The following SCAF4 variants were observed in gnomAD, a reference collection of about 807,000 sequenced individuals.
SCAF4 encodes SR-related and CTD-associated factor 4.
SCAF4 carries 25 observed loss-of-function variants against 129.8 expected under a neutral mutation model. That is an observed-to-expected ratio of 0.19 (90% CI 0.14 to 0.27). SCAF4 has a LOEUF of 0.27. Among genes scored for constraint, SCAF4 ranks in the 10% least tolerant of loss-of-function variants. The pLI, the probability that SCAF4 is intolerant of heterozygous loss-of-function variation, is 1.00. For synonymous variants in SCAF4, 551 were observed against 497.7 expected, an observed-to-expected ratio of 1.11 and a Z score of -1.43; for missense variants, 1,246 against 1,457.1, an observed-to-expected ratio of 0.86 and a Z score of 2.36.
intron 1 of SCAF4, 70 bp downstream of exon 1, chr21:31,731,593 C>T (rs938231281): frequency 3.2e-6 from 5 of 1,542,478 alleles, no homozygotes; most frequent in Non-Finnish European, 4.4e-6. Flanking sequence ...TTTAAACCTC[C>T]GGCGGCGGGA....
In SCAF4 at chr21:31,688,227, T is replaced by A. The variant is rs575959762; in HGVS notation, c.2043+80A>T. 37 of 1,356,392 alleles carry A rather than the reference T, an allele frequency of 2.7e-5. 1 individual carries two copies. In the South Asian group the frequency reaches 5.9e-4, roughly 21 times the overall value. 84.0% of individuals were successfully genotyped at this position (1,356,392 alleles called of 1,614,324 possible). A position where few individuals can be genotyped will look rare whatever the true frequency, so the allele number is the denominator to read the frequency against. On this transcript the variant is annotated intron_variant, in intron 16 of 19. Transcript: ENST00000286835. The stretch of plus-strand genomic sequence containing the variant: ...ATGTACTCATGTTTTTTACTATGAA[T>A]CCAGACATATATCTACAGTAAGATT...
At chr21:31,694,136 C>T (rs1311132081) in intron 11 of SCAF4, 68 bp downstream of exon 11, 2 of 833,448 alleles carry the variant, frequency 2.4e-6, no homozygotes, top group East Asian at 2.5e-5. Context: ...GAAAATAACC[C>T]AATCTAATTT....
At chr21:31,704,768 C>T (rs977440053) in intron 3 of SCAF4, among the ~76,000 whole-genome samples, 7 of 151,962 alleles carry the variant, frequency 4.6e-5, no homozygotes, top group African/African-American at 1.7e-4. Context: ...TAATTTTTTC[C>T]ATTTTATTTA....
At chr21:31,687,824 T>C (rs1021497547) in intron 16 of SCAF4, among the ~76,000 whole-genome samples, 3 of 152,084 alleles carry the variant, frequency 2.0e-5, no homozygotes, top group African/African-American at 7.2e-5. Flanking sequence ...TAAACATTTA[T>C]GGGCCAGGCA....
At chr21:31,715,324 C>A (rs998367491) in intron 1 of SCAF4, among the ~76,000 whole-genome samples, 3 of 152,012 alleles carry the variant, frequency 2.0e-5, no homozygotes, top group Non-Finnish European at 2.9e-5. Context: ...TATGATTACA[C>A]CGGGCCCACC....
At chr21:31,698,829 G>A (rs548463917) in intron 7 of SCAF4, among the ~76,000 whole-genome samples, 1 of 152,172 alleles carries the variant, frequency 6.6e-6, no homozygotes, top group Non-Finnish European at 1.5e-5. Context: ...TTTCCAGCCT[G>A]CTGACCTGCC....
chr21:31,713,492 T>C (rs1455832811), intron 1 of SCAF4, among the ~76,000 whole-genome samples: 5 of 152,208 alleles, frequency 3.3e-5, no homozygotes, highest in African/African-American at 1.2e-4. Context: ...CACGTAATTC[T>C]TTTGAGAAAA....
chr21:31,688,114 CAAAAAAAAAAAAAAA>C (rs61592268), intron 16 of SCAF4, among the ~76,000 whole-genome samples, 178 bp downstream of exon 16: 125 of 10,908 alleles, frequency 0.011, 4 homozygotes, highest in African/African-American at 0.027. Flanking sequence ...GACTCTGTCT[CAAAAAAAAAAAAAAA>C]AAAAAAAAAA....
chr21:31,672,251 T>C lies in SCAF4; in HGVS notation c.2592A>G (p.Gly864=), dbSNP rs2049727259. ...ACCGCTGTAAGTGAGGTGGGGGCAT[T>C]CCTGGAGGGCGCTGGAGTGGGATGA... ...PGLIPLQRPP[G]MPPPHLQRFP... is the part of the protein sequence containing the mutation. The change falls in exon 20 of 20, where the codon GGA becomes GGG. Residue 864 remains glycine (G), a synonymous_variant. Coordinates refer to ENST00000286835, the MANE Select transcript of SCAF4 (RefSeq NM_020706.2). 6 of 1,613,228 alleles carry C rather than the reference T, an allele frequency of 3.7e-6. No homozygotes were observed. In the East Asian group the frequency reaches 1.3e-4, roughly 36 times the overall value.
Position 31,671,898 on chromosome 21 carries a change from T to C in SCAF4, c.2945A>G (p.Gln982Arg). 1 of 1,613,926 alleles carries C rather than the reference T, an allele frequency of 6.2e-7. No individual in the cohort carries two copies. The highest frequency in any genetic ancestry group is 8.5e-7 in the Non-Finnish European group (1 of 1,179,856). ...CTGCTGCCTGTTATCATTTCTAAAC[T>C]GCTGTGGCTGCTGCTGTGTTGGTGG... ...QPPPTQQQPQ[Q>R]FRNDNRQQFN... The change falls in exon 20 of 20, where the codon CAG (glutamine) becomes CGG (arginine). Residue 982 changes from glutamine to arginine, a missense_variant. Physicochemically the swap from Gln to Arg is conservative, Grantham distance 43 (BLOSUM62 1). Transcript: ENST00000286835.
At chr21:31,710,233 C>G (rs1490287126) in intron 1 of SCAF4, among the ~76,000 whole-genome samples, 2 of 151,934 alleles carry the variant, frequency 1.3e-5, no homozygotes, top group Admixed American at 6.6e-5. Context: ...TAGAAGGAGC[C>G]TGGAGTAAGA....
At position 31,715,691 on chromosome 21, in the gene SCAF4, C is replaced by T. The variant is rs967580157; in HGVS notation, c.31-9334G>A. Among the ~76,000 whole-genome samples the T allele has an allele frequency of 3.9e-5, 6 of 152,134 alleles. 1 individual carries two copies. Among genetic ancestry groups the T allele is most frequent in the Admixed American group, 3.3e-4 (5 of 15,274 alleles). On this transcript the variant is annotated intron_variant, in intron 1 of 19. Coordinates refer to ENST00000286835, the MANE Select transcript of SCAF4 (RefSeq NM_020706.2). ...CCAATCAGCTTGTAAATTTCATGAA[C>T]TCATTTGGTATGCTTTCCTCCAAGT...
intron 11 of SCAF4, 47 bp downstream of exon 11, chr21:31,694,157 G>T: frequency 1.0e-6 from 1 of 972,674 alleles, no homozygotes; most frequent in Non-Finnish European, 1.6e-6. Flanking sequence ...TAATTTCTAT[G>T]TCCCCTAAGA....
chr21:31,690,141 T>C (rs1465965999), intron 15 of SCAF4, among the ~76,000 whole-genome samples: 1 of 152,184 alleles, frequency 6.6e-6, no homozygotes, highest in Non-Finnish European at 1.5e-5. Flanking sequence ...AGATTGCTTC[T>C]CTGGACATCT....
At chr21:31,678,300 C>G (rs990217444) in intron 19 of SCAF4, among the ~76,000 whole-genome samples, 1 of 152,122 alleles carries the variant, frequency 6.6e-6, no homozygotes, top group African/African-American at 2.4e-5. Context: ...AAAAACGAGT[C>G]ATTCTTGACT....
chr21:31,729,953 C>T (rs1379868883), intron 1 of SCAF4, among the ~76,000 whole-genome samples: 1 of 152,198 alleles, frequency 6.6e-6, no homozygotes, highest in Non-Finnish European at 1.5e-5. Flanking sequence ...AATCAGAATA[C>T]TTCTGATCTT....
At chr21:31,684,630 A>G (rs1334221338) in intron 19 of SCAF4, 1 of 162,462 alleles carries the variant, frequency 6.2e-6, no homozygotes, top group Non-Finnish European at 1.3e-5. Context: ...CAGATAGATA[A>G]TAATTGGTCC....
At chr21:31,679,286 A>T (rs1433687462) in intron 19 of SCAF4, among the ~76,000 whole-genome samples, 1 of 152,200 alleles carries the variant, frequency 6.6e-6, no homozygotes, top group East Asian at 1.9e-4. Flanking sequence ...AAGATGTATC[A>T]ACCACTCATC....
chr21:31,689,984 A>G (rs1601203297), intron 15 of SCAF4, among the ~76,000 whole-genome samples: 1 of 151,954 alleles, frequency 6.6e-6, no homozygotes, highest in East Asian at 1.9e-4. Context: ...ATGCCATCCT[A>G]TGCTCCTCCT....
Sources: allele counts gnomAD v4.1 joint callset (sites outside exome capture counted in the v4.1 genomes callset), GRCh38; gene constraint gnomAD v4.1.1; transcripts MANE v1.5; gene names NCBI Gene and HGNC (gene_info 2026-07-23, HGNC 2026-07-21).